Variants in LRMDA observed in about 807,000 individuals in gnomAD.
LRMDA encodes leucine rich melanocyte differentiation associated.
Under a neutral mutation model 29.8 loss-of-function variants are expected in LRMDA, and 18 were observed. That is an observed-to-expected ratio of 0.60 (90% CI 0.42 to 0.90). LRMDA has a LOEUF of 0.90. LRMDA is among the 40% of genes least tolerant of loss of function. The pLI is 0.00. For synonymous variants in LRMDA, 125 were observed against 109.4 expected, an observed-to-expected ratio of 1.14 and a Z score of -0.89; for missense variants, 273 against 273.9, an observed-to-expected ratio of 1.00 and a Z score of 0.02.
intron 5 of LRMDA, among the ~76,000 whole-genome samples, chr10:76,294,328 C>A (rs1840386697): frequency 1.3e-5 from 2 of 152,128 alleles, no homozygotes; most frequent in Admixed American, 6.5e-5. Context: ...TGCTCCAGAC[C>A]TAATACAAGT....
At chr10:76,293,869 T>C (rs1223785873) in intron 5 of LRMDA, among the ~76,000 whole-genome samples, 1 of 152,248 alleles carries the variant, frequency 6.6e-6, no homozygotes, top group Non-Finnish European at 1.5e-5. Context: ...TGTTGTAACA[T>C]TGTAATATTT....
chr10:75,610,614 G>A (rs1841017107), intron 2 of LRMDA, among the ~76,000 whole-genome samples: 1 of 152,210 alleles, frequency 6.6e-6, no homozygotes, highest in South Asian at 2.1e-4. Context: ...TGAGGGAACT[G>A]TGATCATGGC....
chr10:75,843,015 T>G (rs560009285), intron 2 of LRMDA, among the ~76,000 whole-genome samples: 1 of 152,270 alleles, frequency 6.6e-6, no homozygotes, highest in East Asian at 1.9e-4. Context: ...AGCAAGACCT[T>G]ATCTCTAAAA....
intron 6 of LRMDA, among the ~76,000 whole-genome samples, chr10:76,519,515 A>C (rs965811380): frequency 6.6e-6 from 1 of 152,210 alleles, no homozygotes. Flanking sequence ...ACATATTCAT[A>C]TATGTTTGGC....
intron 6 of LRMDA, among the ~76,000 whole-genome samples, chr10:76,461,267 A>C (rs1323047070): frequency 6.6e-6 from 1 of 152,184 alleles, no homozygotes; most frequent in Non-Finnish European, 1.5e-5. Flanking sequence ...TATGCCATCA[A>C]GAACCAAAGT....
intron 5 of LRMDA, among the ~76,000 whole-genome samples, chr10:76,198,169 C>T (rs932705213): frequency 7.2e-5 from 11 of 152,196 alleles, no homozygotes; most frequent in Non-Finnish European, 2.9e-5. Context: ...TAGAGCAGTG[C>T]TCCTGGGATG....
chr10:76,389,589 A>C (rs1841699577), intron 6 of LRMDA, among the ~76,000 whole-genome samples: 1 of 152,140 alleles, frequency 6.6e-6, no homozygotes, highest in Non-Finnish European at 1.5e-5. Flanking sequence ...GAATCTTTTC[A>C]TCCTGCAAAA....
At chr10:76,223,421 C>A (rs959530491) in intron 5 of LRMDA, among the ~76,000 whole-genome samples, 1 of 152,046 alleles carries the variant, frequency 6.6e-6, no homozygotes, top group African/African-American at 2.4e-5. Flanking sequence ...AAGCAGACTC[C>A]CTTGAGGCTC....
At chr10:76,004,006 A>C (rs2132471678) in intron 2 of LRMDA, among the ~76,000 whole-genome samples, 1 of 152,314 alleles carries the variant, frequency 6.6e-6, no homozygotes, top group Non-Finnish European at 1.5e-5. Context: ...GAATGACATG[A>C]GTGGTTAAAT....
At chr10:75,863,546 A>G (rs1165962869) in intron 2 of LRMDA, among the ~76,000 whole-genome samples, 3 of 152,204 alleles carry the variant, frequency 2.0e-5, no homozygotes, top group Non-Finnish European at 2.9e-5. Context: ...GGCCTAGGTC[A>G]AGGTATTTAC....
intron 2 of LRMDA, among the ~76,000 whole-genome samples, chr10:75,438,908 C>T (rs1434171476): frequency 2.6e-5 from 4 of 152,256 alleles, no homozygotes; most frequent in South Asian, 2.1e-4. Flanking sequence ...CCAAAACATT[C>T]GTCGAGTCAC....
At chr10:76,054,624 A>G (rs1456172711) in intron 4 of LRMDA, among the ~76,000 whole-genome samples, 1 of 151,446 alleles carries the variant, frequency 6.6e-6, no homozygotes, top group Admixed American at 6.6e-5. Context: ...TTCCCACCCT[A>G]CACTTAGTGG....
Position 75,983,647 on chromosome 10 carries a change from G to A in LRMDA, c.132-52361G>A, listed in dbSNP as rs76152427. On this transcript the variant is annotated intron_variant, in intron 2 of 6. Transcript: ENST00000611255. ...TGCATATACATACGCGTACATGTACGTCTCCAATGCTTTTCTTTTCTTTTT... is the reference window on the plus strand; with the variant it reads ...TGCATATACATACGCGTACATGTACATCTCCAATGCTTTTCTTTTCTTTTT... Among the ~76,000 whole-genome samples the A allele has an allele frequency of 8.1e-3, 1,232 of 152,068 alleles. 10 individuals carry two copies. The highest frequency in any genetic ancestry group is 0.014 in the Middle Eastern group (4 of 294).
At position 75,444,684 on chromosome 10, in the gene LRMDA, ATTTT is replaced by A. The variant is rs536511279; in HGVS notation, c.131+6193_131+6196del. Among the ~76,000 whole-genome samples the A allele has an allele frequency of 2.6e-3, 399 of 152,274 alleles. 4 individuals carry two copies. The highest frequency in any genetic ancestry group is 1.1e-3 in the Non-Finnish European group (78 of 68,024). On this transcript the variant is annotated intron_variant, in intron 2 of 6. Transcript: ENST00000611255. ...GTGTGAAATTGTATTTAAGATCTTT[ATTTT>A]TTAAGATAATTTTTATAAGAGTAAC... is the stretch of plus-strand genomic sequence containing the variant.
At position 76,471,239 on chromosome 10, in the gene LRMDA, TAATAA is replaced by T. The variant is rs565854361; in HGVS notation, c.602-85966_602-85962del. 5.9e-4 allele frequency among the ~76,000 whole-genome samples: 89 copies of T among 151,822 alleles called. 2 individuals are homozygous for T. In the Middle Eastern group the frequency reaches 0.01, roughly 17 times the overall value. On this transcript the variant is annotated intron_variant, in intron 6 of 6. Coordinates refer to ENST00000611255, the MANE Select transcript of LRMDA (RefSeq NM_001305581.2). ...TTTAATAGACATAAAATTATATAAA[TAATAA>T]AATGTATTGGTAGGTTTGTAATATA...
At chr10:76,464,879 A>C (rs1439746972) in intron 6 of LRMDA, 2 of 152,194 alleles carry the variant, frequency 1.3e-5, no homozygotes, top group African/African-American at 4.8e-5. Context: ...CGTGGAGGAC[A>C]TGTGACACGG....
intron 2 of LRMDA, among the ~76,000 whole-genome samples, chr10:75,454,687 C>T (rs149263020): frequency 3.9e-5 from 6 of 152,336 alleles, no homozygotes; most frequent in East Asian, 1.9e-4. Flanking sequence ...GGTTGGCTCA[C>T]GTGAATTCTT....
At chr10:75,712,618 G>A (rs1344376852) in intron 2 of LRMDA, among the ~76,000 whole-genome samples, 1 of 152,194 alleles carries the variant, frequency 6.6e-6, no homozygotes, top group Non-Finnish European at 1.5e-5. Flanking sequence ...CAAACAGAAT[G>A]AAAGACAGAG....
chr10:75,790,273 C>A (rs923010174), intron 2 of LRMDA, among the ~76,000 whole-genome samples: 1 of 152,102 alleles, frequency 6.6e-6, no homozygotes, highest in African/African-American at 2.4e-5. Context: ...TGTCTCCAGA[C>A]CTTGCTAAAT....
Sources: gnomAD v4.1 joint callset for allele counts (sites outside exome capture counted in the v4.1 genomes callset) on GRCh38, gnomAD v4.1.1 for gene constraint, MANE v1.5 for transcripts, NCBI Gene and HGNC (gene_info 2026-07-23, HGNC 2026-07-21) for gene names.